Variants in MTX2 observed in about 807,000 individuals in gnomAD.
The protein encoded by MTX2 is metaxin 2, also known as metaxin-2.
Under a neutral mutation model 42.3 loss-of-function variants are expected in MTX2, and 35 were observed. The observed-to-expected ratio is 0.83, with a 90% CI of 0.63 to 1.10. MTX2 has a LOEUF of 1.10. MTX2 is among the 50% of genes least tolerant of loss of function. MTX2 has a pLI of 0.00. For missense variants in MTX2, 307 were observed against 304.1 expected (o/e 1.01, Z -0.07); for synonymous variants, 119 against 100.9 (o/e 1.18, Z -1.08).
At chr2:176,289,229 G>A (rs1003108851) in intron 1 of MTX2, among the ~76,000 whole-genome samples, 1 of 151,954 alleles carries the variant, frequency 6.6e-6, no homozygotes, top group African/African-American at 2.4e-5. Flanking sequence ...TATCATGTGT[G>A]CATTTCTAAC....
At chr2:176,333,181 T>C (rs1230432542) in intron 9 of MTX2, among the ~76,000 whole-genome samples, 2 of 151,560 alleles carry the variant, frequency 1.3e-5, no homozygotes, top group Admixed American at 1.3e-4. Context: ...TGCAATAATA[T>C]ATGAAACATC....
intron 1 of MTX2, among the ~76,000 whole-genome samples, chr2:176,273,006 G>A (rs1692860000): frequency 6.6e-6 from 1 of 152,182 alleles, no homozygotes; most frequent in Admixed American, 6.5e-5. Flanking sequence ...ATTTTGGGAG[G>A]CAACGAACTC....
At chr2:176,309,021 C>A (rs574838751) in intron 3 of MTX2, among the ~76,000 whole-genome samples, 17 of 151,998 alleles carry the variant, frequency 1.1e-4, no homozygotes, top group African/African-American at 1.7e-4. Flanking sequence ...TTTCTCTTGT[C>A]GGCATTTAGT....
chr2:176,320,556 A>C (rs190871211), intron 3 of MTX2, among the ~76,000 whole-genome samples: 14 of 152,134 alleles, frequency 9.2e-5, no homozygotes, highest in African/African-American at 3.4e-4. Context: ...GAGCACTCAC[A>C]TTCTTGTTCT....
chr2:176,276,641 T>G (rs1558922656), intron 1 of MTX2, among the ~76,000 whole-genome samples: 1 of 152,064 alleles, frequency 6.6e-6, no homozygotes, highest in Non-Finnish European at 1.5e-5. Flanking sequence ...GTTCAGTACA[T>G]GTTAGTTTCT....
intron 1 of MTX2, among the ~76,000 whole-genome samples, chr2:176,272,830 T>C (rs1333028185): frequency 6.6e-6 from 1 of 152,206 alleles, no homozygotes; most frequent in African/African-American, 2.4e-5. Flanking sequence ...ATTACTATAG[T>C]GAGCATAGTT....
chr2:176,295,603 T>G (rs911351677), intron 1 of MTX2, among the ~76,000 whole-genome samples: 3 of 152,172 alleles, frequency 2.0e-5, no homozygotes, highest in African/African-American at 7.2e-5. Flanking sequence ...GCATTATCTC[T>G]AAATACAAGT....
At chr2:176,292,952 A>C (rs1693360685) in intron 1 of MTX2, among the ~76,000 whole-genome samples, 1 of 152,230 alleles carries the variant, frequency 6.6e-6, no homozygotes, top group Admixed American at 6.5e-5. Context: ...GTTGAAATTC[A>C]GTAGCCCTTA....
chr2:176,298,533 G>T (rs76903473), intron 3 of MTX2, among the ~76,000 whole-genome samples: 1,905 of 152,194 alleles, frequency 0.013, 37 homozygotes, highest in African/African-American at 0.043. Flanking sequence ...CTTGGGGATG[G>T]TTTGCTTAAA....
At chr2:176,312,940 G>C (rs1483187781) in intron 3 of MTX2, among the ~76,000 whole-genome samples, 1 of 149,626 alleles carries the variant, frequency 6.7e-6, no homozygotes, top group Non-Finnish European at 1.5e-5. Context: ...CATCTTTCTA[G>C]AAGTTTTTAT....
intron 1 of MTX2, among the ~76,000 whole-genome samples, chr2:176,276,821 G>A (rs1186553388): frequency 2.0e-5 from 3 of 151,816 alleles, no homozygotes; most frequent in South Asian, 2.1e-4. Context: ...TTACTCCACC[G>A]GTGCCTTGCC....
intron 1 of MTX2, among the ~76,000 whole-genome samples, chr2:176,278,997 TAAA>T (rs1349940050): frequency 1.3e-5 from 2 of 152,206 alleles, no homozygotes; most frequent in African/African-American, 2.4e-5. Context: ...TGGTTGGTAA[TAAA>T]GAAGGTTCTT....
In MTX2 at chr2:176,334,944, T is replaced by G. The variant is rs530378539; in HGVS notation, c.621-2549T>G. On this transcript the variant is annotated intron_variant, in intron 9 of 9. Coordinates refer to ENST00000249442, the MANE Select transcript of MTX2 (RefSeq NM_006554.5). ...CACAAATTTATTGCACAATTCCTGC[T>G]TTGTGCAAGGAATTGTTCTAGGTAT... 3.3e-5 allele frequency among the ~76,000 whole-genome samples: 5 copies of G among 152,084 alleles called. No homozygotes were observed. The South Asian group carries it at 1.0e-3, about 32-fold the overall frequency.
intron 4 of MTX2, among the ~76,000 whole-genome samples, chr2:176,323,706 A>T (rs1684639475): frequency 6.6e-6 from 1 of 151,740 alleles, no homozygotes; most frequent in South Asian, 2.1e-4. Flanking sequence ...TAGTAAGGGA[A>T]TTGTTTTAAA....
intron 1 of MTX2, among the ~76,000 whole-genome samples, chr2:176,294,625 A>T (rs1298718701): frequency 6.6e-6 from 1 of 152,234 alleles, no homozygotes; most frequent in African/African-American, 2.4e-5. Flanking sequence ...TGCTGTTCAT[A>T]TAAGAACTCT....
intron 3 of MTX2, among the ~76,000 whole-genome samples, chr2:176,310,852 T>C (rs989623160): frequency 6.6e-6 from 1 of 152,158 alleles, no homozygotes; most frequent in African/African-American, 2.4e-5. Context: ...ACATCCTCCT[T>C]TATCTTGCAG....
At chr2:176,318,586 C>A (rs1684501334) in intron 3 of MTX2, among the ~76,000 whole-genome samples, 1 of 152,142 alleles carries the variant, frequency 6.6e-6, no homozygotes, top group African/African-American at 2.4e-5. Flanking sequence ...AATGAGAAAT[C>A]TTTATATTCT....
intron 3 of MTX2, among the ~76,000 whole-genome samples, chr2:176,322,669 G>C (rs781243552): frequency 6.6e-6 from 1 of 151,936 alleles, no homozygotes; most frequent in Non-Finnish European, 1.5e-5. Flanking sequence ...TCTAGTAATA[G>C]AGTTTTGCAT....
intron 4 of MTX2, 117 bp from the exon 5 acceptor site, chr2:176,326,708 C>T: frequency 1.6e-6 from 1 of 637,938 alleles, no homozygotes; most frequent in South Asian, 2.5e-5. Flanking sequence ...TCAAAAGTTA[C>T]AGTTTTATGA....
Sources: allele counts gnomAD v4.1 joint callset (sites outside exome capture counted in the v4.1 genomes callset), GRCh38; gene constraint gnomAD v4.1.1; transcripts MANE v1.5; gene names NCBI Gene and HGNC (gene_info 2026-07-23, HGNC 2026-07-21).